The following RAB38 variants were observed in gnomAD, a reference collection of about 807,000 sequenced individuals.
RAB38 encodes ras-related protein Rab-38.
A neutral mutation model predicts 18.4 loss-of-function variants in RAB38; 15 were observed. That is an observed-to-expected ratio of 0.82 (90% CI 0.55 to 1.26). The LOEUF is 1.26. RAB38 is among the 50% of genes most tolerant of loss of function. RAB38 has a pLI of 0.00. For synonymous variants in RAB38, 101 were observed against 104.4 expected (o/e 0.97, Z 0.20); for missense variants, 294 against 267.4 (o/e 1.10, Z -0.69).
At chr11:87,916,488 T>G in the RAB38 span, among the ~76,000 whole-genome samples, 9 of 152,216 alleles carry the variant, frequency 5.9e-5, no homozygotes, top group African/African-American at 2.2e-4. Flanking sequence ...ATTTTGCTTC[T>G]TCACATGTGT....
intron 2 of RAB38, among the ~76,000 whole-genome samples, chr11:88,114,435 C>G (rs774890179): frequency 1.4e-4 from 22 of 152,210 alleles, no homozygotes; most frequent in Non-Finnish European, 2.6e-4. Flanking sequence ...TTCACATACT[C>G]AAACTATAAA....
the RAB38 span, among the ~76,000 whole-genome samples, chr11:88,035,861 C>CTT: frequency 2.0e-5 from 3 of 149,016 alleles, no homozygotes; most frequent in Non-Finnish European, 3.0e-5. Flanking sequence ...CCTCAATGCC[C>CTT]TTTTTTTTTT....
chr11:88,136,726 T>C (rs1373426740), intron 2 of RAB38, among the ~76,000 whole-genome samples: 1 of 152,190 alleles, frequency 6.6e-6, no homozygotes, highest in Non-Finnish European at 1.5e-5. Flanking sequence ...AAAGAGTGTA[T>C]AGAGGGAGAT....
the RAB38 span, among the ~76,000 whole-genome samples, chr11:87,817,951 T>C: frequency 6.6e-6 from 1 of 152,186 alleles, no homozygotes; most frequent in African/African-American, 2.4e-5. Flanking sequence ...TGAGAAGTGA[T>C]ACTAGAAAAA....
At chr11:88,162,349 C>T (rs1384043846) in intron 1 of RAB38, among the ~76,000 whole-genome samples, 2 of 152,102 alleles carry the variant, frequency 1.3e-5, no homozygotes, top group Non-Finnish European at 2.9e-5. Flanking sequence ...CACCCCATAG[C>T]CAGAACCAAA....
the RAB38 span, among the ~76,000 whole-genome samples, chr11:88,094,126 A>T: frequency 6.6e-6 from 1 of 151,896 alleles, no homozygotes; most frequent in African/African-American, 2.4e-5. Context: ...ATAAATACTG[A>T]GTACAATAGG....
At chr11:88,011,932 C>G in the RAB38 span, among the ~76,000 whole-genome samples, 1 of 152,150 alleles carries the variant, frequency 6.6e-6, no homozygotes, top group Non-Finnish European at 1.5e-5. Context: ...GACTTTTGCT[C>G]CATTCGTGTT....
At chr11:88,052,785 G>A in the RAB38 span, among the ~76,000 whole-genome samples, 1,287 of 150,644 alleles carry the variant, frequency 8.5e-3, 18 homozygotes, top group African/African-American at 0.03. Flanking sequence ...CTTTCAGTTT[G>A]TGGAGTCTCT....
At chr11:88,132,752 C>A (rs2134798320) in intron 2 of RAB38, among the ~76,000 whole-genome samples, 1 of 152,202 alleles carries the variant, frequency 6.6e-6, no homozygotes, top group Admixed American at 6.5e-5. Flanking sequence ...CACCACCATG[C>A]CCAGCCTAGA....
intron 2 of RAB38, among the ~76,000 whole-genome samples, chr11:88,136,193 T>C (rs1003547128): frequency 6.6e-6 from 1 of 152,188 alleles, no homozygotes; most frequent in African/African-American, 2.4e-5. Flanking sequence ...ACAGACAGGC[T>C]ACAGAGGAGC....
At chr11:87,912,598 C>T in the RAB38 span, among the ~76,000 whole-genome samples, 2 of 151,524 alleles carry the variant, frequency 1.3e-5, no homozygotes, top group African/African-American at 2.4e-5. Flanking sequence ...CTCTTTTTTA[C>T]CCTAATCCTT....
At chr11:87,895,661 A>C in the RAB38 span, among the ~76,000 whole-genome samples, 14,162 of 151,590 alleles carry the variant, frequency 0.093, 960 homozygotes, top group Admixed American at 0.23. Flanking sequence ...GCACCGGCTG[A>C]TTTAAGGGGA....
the RAB38 span, among the ~76,000 whole-genome samples, chr11:87,871,420 C>T: frequency 6.6e-6 from 1 of 151,632 alleles, no homozygotes; most frequent in Non-Finnish European, 1.5e-5. Flanking sequence ...AGATTTTGAA[C>T]TTGACCCAGA....
chr11:88,093,179 C>T, the RAB38 span, among the ~76,000 whole-genome samples: 1 of 151,856 alleles, frequency 6.6e-6, no homozygotes, highest in Non-Finnish European at 1.5e-5. Flanking sequence ...GTCCATATGG[C>T]CAGAGTTTTC....
rs79516301 is a variant in RAB38, at chr11:88,138,778, C to T, written c.483+10897G>A. Among the ~76,000 whole-genome samples the T allele has an allele frequency of 4.1e-3, 244 of 60,220 alleles. 2 individuals carry two copies. The highest frequency in any genetic ancestry group is 8.5e-3 in the African/African-American group (178 of 20,826). The allele number at this position is 60,220 out of a possible 152,430, so 39.5% of individuals were successfully genotyped here. On this transcript the variant is annotated intron_variant, in intron 2 of 2. Transcript: ENST00000243662. ...TATACATACAATTTTTATTATTATT[C>T]TTTTTTTTTTATTATTTTTTTTGAG...
chr11:87,894,217 A>G, the RAB38 span, among the ~76,000 whole-genome samples: 3 of 151,650 alleles, frequency 2.0e-5, no homozygotes, highest in Non-Finnish European at 4.4e-5. Flanking sequence ...TAGAATTTTG[A>G]TAATAGGACA....
chr11:87,889,310 C>T, the RAB38 span, among the ~76,000 whole-genome samples: 1 of 151,870 alleles, frequency 6.6e-6, no homozygotes, highest in Non-Finnish European at 1.5e-5. Flanking sequence ...GCAATGAGCA[C>T]ACATGACCTC....
At chr11:88,155,709 G>GAAAATAGAA (rs1943117166) in intron 1 of RAB38, among the ~76,000 whole-genome samples, 1 of 152,118 alleles carries the variant, frequency 6.6e-6, no homozygotes. Flanking sequence ...ACTCAGAAGT[G>GAAAATAGAA]ACAGATAAAG....
the RAB38 span, among the ~76,000 whole-genome samples, chr11:87,931,932 C>T: frequency 6.6e-6 from 1 of 151,092 alleles, no homozygotes; most frequent in African/African-American, 2.4e-5. Flanking sequence ...TTGGACAATG[C>T]ACAGGAGGGG....
Sources: allele counts gnomAD v4.1 joint callset (sites outside exome capture counted in the v4.1 genomes callset), GRCh38; gene constraint gnomAD v4.1.1; transcripts MANE v1.5; gene names NCBI Gene and HGNC (gene_info 2026-07-23, HGNC 2026-07-21).